Variants in TTN observed in about 807,000 individuals in gnomAD.
TTN encodes the protein connectin.
A neutral mutation model predicts 3,223.0 loss-of-function variants in TTN; 1,525 were observed. The observed-to-expected ratio is 0.47, with a 90% CI of 0.45 to 0.49. TTN has a LOEUF of 0.49. Ranked by LOEUF, TTN falls within the 20% of genes least tolerant of loss-of-function variation. TTN has a pLI of 0.00. For synonymous variants in TTN, 14,094 were observed against 15,161.0 expected (o/e 0.93, Z 5.17); for missense variants, 40,786 against 43,424.0 (o/e 0.94, Z 5.40).
chr2:178,597,632 G>C lies in TTN; in HGVS notation c.57450C>G (p.Ile19150Met), dbSNP rs2052065992. 1 of 1,613,110 alleles carries C rather than the reference G, an allele frequency of 6.2e-7. No individual in the cohort carries two copies. The highest frequency in any genetic ancestry group is 8.5e-7 in the Non-Finnish European group (1 of 1,179,522). Reference protein sequence around the residue: ...ETTAISSSMVIKNCQRSHQGV... With the variant: ...ETTAISSSMVMKNCQRSHQGV... ...CTTGATGGCTCCTCTGGCAGTTCTT[G>C]ATGACCATGGATGAGCTAATGGCTG... is the stretch of plus-strand genomic sequence containing the variant. The change falls in exon 294 of 363, where the codon ATC becomes ATG. Residue 19150 changes from isoleucine to methionine, a missense_variant. Coordinates refer to ENST00000589042, the MANE Select transcript of TTN (RefSeq NM_001267550.2).
At chr2:178,733,970 C>A in intron 52 of TTN, 78 bp from the exon 53 acceptor site, 1 of 1,356,192 alleles carries the variant, frequency 7.4e-7, no homozygotes, top group Non-Finnish European at 9.8e-7. Context: ...AGAGTTTTTT[C>A]AAGATTATAT....
At chr2:178,800,335 C>G (rs1479422182) in intron 4 of TTN, 60 bp downstream of exon 4, 1 of 1,607,414 alleles carries the variant, frequency 6.2e-7, no homozygotes, top group Admixed American at 1.7e-5. Context: ...ACGCTTGGCC[C>G]CATTTAGACA....
chr2:178,597,523 A>T lies in TTN; in HGVS notation c.57544+15T>A, dbSNP rs1245512951. On this transcript the variant is annotated intron_variant, in intron 294 of 362. Transcript: ENST00000589042. ...TTGGTTTAAAAAGTTGCACAGACAA[A>T]TTGAAAGTATTTACCTAATACATCA... The T allele has an allele frequency of 1.2e-6, 2 of 1,603,718 alleles. No homozygotes were observed. The highest frequency in any genetic ancestry group is 1.7e-6 in the Non-Finnish European group (2 of 1,175,410).
At chr2:178,730,837 C>T in intron 60 of TTN, 45 bp from the exon 61 acceptor site, 1 of 1,533,866 alleles carries the variant, frequency 6.5e-7, no homozygotes, top group South Asian at 1.3e-5. Context: ...GGTCAATCTA[C>T]TAATTTGTTT....
intron 109 of TTN, 77 bp from the exon 110 acceptor site, chr2:178,701,664 A>G: frequency 2.1e-6 from 3 of 1,404,040 alleles, no homozygotes; most frequent in East Asian, 2.3e-5. Context: ...TGTTTGATTT[A>G]TTAGATCCTG....
rs1487232178 is a variant in TTN, at chr2:178,622,146, C to A, written c.44914-138G>T. 12 of 785,554 alleles carry A rather than the reference C, an allele frequency of 1.5e-5. No homozygotes were observed. In the East Asian group the frequency reaches 3.0e-4, roughly 20 times the overall value. The allele number at this position is 785,554 out of a possible 1,614,324, so 48.7% of individuals were successfully genotyped here. ...TGTGAAGAAGAACCAAGGTGGCAGA[C>A]ACAAATATAAACAAACCCCAAAAGC... On this transcript the variant is annotated intron_variant, in intron 243 of 362. Coordinates refer to ENST00000589042, the MANE Select transcript of TTN (RefSeq NM_001267550.2).
chr2:178,670,190 T>C, intron 157 of TTN, 28 bp downstream of exon 157: 1 of 1,389,622 alleles, frequency 7.2e-7, no homozygotes, highest in Non-Finnish European at 9.4e-7. Flanking sequence ...GGATTTTATA[T>C]TAATGATGAA....
rs374727686 is a variant in TTN at position 178,587,944 on chromosome 2, G to A, written c.63463C>T (p.Arg21155Cys). The change falls in exon 305 of 363, where the codon CGC becomes TGC. Residue 21155 changes from arginine to cysteine, a missense_variant. Arg to Cys is a radical substitution (Grantham distance 180). Transcript: ENST00000589042. Reference sequence around the variant, plus strand: ...ATAGCTTCCTTTAGCTCTGCAGGGCGCCCAATACCAACTTGGTTTTGGGCA... The same window carrying A: ...ATAGCTTCCTTTAGCTCTGCAGGGCACCCAATACCAACTTGGTTTTGGGCA... ...VCAQNQVGIGRPAELKEAIKP... is the reference protein window; with the variant it reads ...VCAQNQVGIGCPAELKEAIKP... 3.5e-5 allele frequency: 57 copies of A among 1,608,510 alleles called. No individual in the cohort carries two copies. The highest frequency in any genetic ancestry group is 1.3e-4 in the South Asian group (12 of 90,510).
At position 178,722,784 on chromosome 2, in the gene TTN, T is replaced by A; in HGVS notation, c.22115A>T (p.Tyr7372Phe). 6.2e-7 allele frequency: 1 copy of A among 1,613,338 alleles called. No homozygotes were observed. Among genetic ancestry groups the A allele is most frequent in the Non-Finnish European group, 8.5e-7 (1 of 1,179,570 alleles). Residue 7372 changes from tyrosine (Y) to phenylalanine (F), a missense_variant, in exon 76 of 363, where the codon TAC becomes TTC. Physicochemically the swap from Tyr to Phe is conservative, Grantham distance 22. Coordinates refer to ENST00000589042, the MANE Select transcript of TTN (RefSeq NM_001267550.2). ...KLRPTPEYRT[Y>F]FTNNVATLVF... Reference sequence around the variant, plus strand: ...AAGTGTGGCCACATTGTTTGTAAAGTAGGTCCTGTATTCAGGAGTTGGCCG... The same window carrying A: ...AAGTGTGGCCACATTGTTTGTAAAGAAGGTCCTGTATTCAGGAGTTGGCCG...
chr2:178,774,545 T>C (rs1244360036), intron 29 of TTN, 72 bp from the exon 30 acceptor site: 1 of 1,421,434 alleles, frequency 7.0e-7, no homozygotes, highest in Non-Finnish European at 9.7e-7. Flanking sequence ...ATAGAGATGA[T>C]GTCTTGTATG....
intron 47 of TTN, chr2:178,751,399 T>G: frequency 6.2e-7 from 1 of 1,608,498 alleles, no homozygotes; most frequent in Non-Finnish European, 8.5e-7. Context: ...TGTAATCTGT[T>G]TTCTTGGCAG....
In TTN at chr2:178,574,203, T is replaced by C; in HGVS notation, c.71929A>G (p.Ser23977Gly). The change falls in exon 326 of 363, where the codon AGC (serine) becomes GGC (glycine). Residue 23977 changes from serine to glycine, a missense_variant. Coordinates refer to ENST00000589042, the MANE Select transcript of TTN (RefSeq NM_001267550.2). ...PNGRWLKANF[S>G]NILENEFTVS... Reference sequence around the variant, plus strand: ...GTAAATTCATTCTCCAAAATGTTGCTGAAGTTGGCCTTCAGCCACCGTCCA... The same window carrying C: ...GTAAATTCATTCTCCAAAATGTTGCCGAAGTTGGCCTTCAGCCACCGTCCA... 8 of 1,613,482 alleles carry C rather than the reference T, an allele frequency of 5.0e-6. No individual in the cohort carries two copies. The highest frequency in any genetic ancestry group is 6.8e-6 in the Non-Finnish European group (8 of 1,179,586).
chr2:178,770,345 A>G, intron 35 of TTN, 25 bp from the exon 36 acceptor site: 1 of 1,614,168 alleles, frequency 6.2e-7, no homozygotes, highest in Non-Finnish European at 8.5e-7. Context: ...GGAGCAATTC[A>G]GTGATAGGGT....
intron 31 of TTN, 34 bp from the exon 32 acceptor site, chr2:178,773,759 T>C: frequency 6.2e-7 from 1 of 1,614,026 alleles, no homozygotes; most frequent in Non-Finnish European, 8.5e-7. Context: ...ATGAATGAAT[T>C]TTGTTGAAAT....
At position 178,776,007 on chromosome 2, in the gene TTN, C is replaced by T. The variant is rs267599089; in HGVS notation, c.5857G>A (p.Glu1953Lys). 6.2e-7 allele frequency: 1 copy of T among 1,614,164 alleles called. No homozygotes were observed. The highest frequency in any genetic ancestry group is 1.3e-5 in the African/African-American group (1 of 75,046). ...PEPRPEFHVH[E>K]PGKLQFEVQK... ...ACTTCAAACTGAAGCTTTCCTGGTT[C>T]ATGTACGTGAAACTCAGGCCTTGGT... The change falls in exon 28 of 363, where the codon GAA becomes AAA. Residue 1953 changes from glutamate (E) to lysine (K), a missense_variant. Physicochemically the swap from Glu to Lys is moderately conservative, Grantham distance 56. Coordinates refer to ENST00000589042, the MANE Select transcript of TTN (RefSeq NM_001267550.2).
At position 178,651,529 on chromosome 2, in the gene TTN, C is replaced by T; in HGVS notation, c.39471G>A (p.Glu13157=). 1 of 1,612,822 alleles carries T rather than the reference C, an allele frequency of 6.2e-7. No homozygotes were observed. The highest frequency in any genetic ancestry group is 2.2e-5 in the East Asian group (1 of 44,848). The part of the protein sequence containing the change: ...KPELPPVKVP[E]VPKEVVPEKK... ...TTTCAGGAACAACCTCCTTGGGCAC[C>T]TCGGGCACTATAAAAGATATTAGTA... Residue 13157 remains glutamate (E), a synonymous_variant, in exon 207 of 363, where the codon GAG becomes GAA. Coordinates refer to ENST00000589042, the MANE Select transcript of TTN (RefSeq NM_001267550.2).
At position 178,695,848 on chromosome 2, in the gene TTN, A is replaced by G; in HGVS notation, c.31207+17T>C. ...AATGAAGAAAAGAGGGAAACAAGTC[A>G]TTCAGTTTATACATACCTTCATAGA... On this transcript the variant is annotated intron_variant, in intron 114 of 362. Coordinates refer to ENST00000589042, the MANE Select transcript of TTN (RefSeq NM_001267550.2). 7.3e-7 allele frequency: 1 copy of G among 1,375,894 alleles called. No homozygotes were observed. Among genetic ancestry groups the G allele is most frequent in the Non-Finnish European group, 9.4e-7 (1 of 1,061,148 alleles). The allele number at this position is 1,375,894 out of a possible 1,614,324, so 85.2% of individuals were successfully genotyped here.
At position 178,794,967 on chromosome 2, in the gene TTN, G is replaced by T; in HGVS notation, c.1200C>A (p.Ala400=). 6.2e-7 allele frequency: 1 copy of T among 1,605,818 alleles called. No individual in the cohort carries two copies. Among genetic ancestry groups the T allele is most frequent in the Non-Finnish European group, 8.5e-7 (1 of 1,179,960 alleles). ...CAGCCTCTGCTGCGTAGCTAGCACT[G>T]GCCGACACACTGGCGGCAGCACCCG... is the stretch of plus-strand genomic sequence containing the variant. ...GAAGAAASVS[A]SASYAAEAVA... is the part of the protein sequence containing the mutation. Residue 400 remains alanine, a synonymous_variant, in exon 7 of 363, where the codon GCC becomes GCA. Transcript: ENST00000589042.
Position 178,723,575 on chromosome 2 carries a change from T to G in TTN, c.21525A>C (p.Arg7175Ser). 6.2e-7 allele frequency: 1 copy of G among 1,613,442 alleles called. No homozygotes were observed. Among genetic ancestry groups the G allele is most frequent in the Non-Finnish European group, 8.5e-7 (1 of 1,179,592 alleles). Residue 7175 changes from arginine to serine, a missense_variant, in exon 74 of 363, where the codon AGA (arginine) becomes AGC (serine). Coordinates refer to ENST00000589042, the MANE Select transcript of TTN (RefSeq NM_001267550.2). ...TGCACCGGTCTCCTTTCACTAGTTC[T>G]CTGGCACCTCTGAACCAGTTGACTT... ...PFKVNWFRGA[R>S]ELVKGDRCNI...
Sources: gnomAD v4.1 joint callset for allele counts on GRCh38, gnomAD v4.1.1 for gene constraint, MANE v1.5 for transcripts, NCBI Gene and HGNC (gene_info 2026-07-23, HGNC 2026-07-21) for gene names.